The following PHF20L1 variants were observed in gnomAD, a reference collection of about 807,000 sequenced individuals.
PHF20L1 encodes PHD finger protein 20-like protein 1.
PHF20L1 carries 44 observed loss-of-function variants against 125.5 expected under a neutral mutation model. The observed-to-expected ratio is 0.35, with a 90% confidence interval of 0.28 to 0.45. The LOEUF is 0.45. Among genes scored for constraint, PHF20L1 ranks in the 20% least tolerant of loss-of-function variants. The pLI is 1.00. For missense variants in PHF20L1, 1,012 were observed against 1,217.2 expected, an observed-to-expected ratio of 0.83 and a Z score of 2.51; for synonymous variants, 380 against 403.1, an observed-to-expected ratio of 0.94 and a Z score of 0.69.
chr8:132,840,840 CCTTA>C (rs2131924952), intron 18 of PHF20L1, among the ~76,000 whole-genome samples: 1 of 152,184 alleles, frequency 6.6e-6, no homozygotes, highest in African/African-American at 2.4e-5. Context: ...GCTTGTCTCC[CCTTA>C]CTAAGTCATG....
intron 9 of PHF20L1, chr8:132,813,138 T>C: frequency 1.0e-6 from 1 of 972,270 alleles, no homozygotes; most frequent in African/African-American, 1.8e-5. Flanking sequence ...ATGGATGCTG[T>C]AGTGATGTCT....
At chr8:132,798,651 G>T in intron 4 of PHF20L1, 121 bp from the exon 5 acceptor site, 2 of 577,250 alleles carry the variant, frequency 3.5e-6, no homozygotes, top group East Asian at 6.0e-5. Flanking sequence ...CTTAACAGGA[G>T]CATTTGTAGT....
intron 14 of PHF20L1, chr8:132,826,943 CT>C (rs772755714): frequency 2.6e-5 from 4 of 151,954 alleles, no homozygotes; most frequent in Non-Finnish European, 4.4e-5. Context: ...TTGGTAAATT[CT>C]TCAGATTTTA....
intron 10 of PHF20L1, 137 bp downstream of exon 10, chr8:132,815,026 T>A (rs951660101): frequency 2.2e-5 from 13 of 604,264 alleles, no homozygotes; most frequent in African/African-American, 1.9e-4. Flanking sequence ...CTTGAAACTA[T>A]TTCAGGGGCA....
chr8:132,786,642 T>C (rs1353106215), intron 2 of PHF20L1, among the ~76,000 whole-genome samples: 1 of 152,106 alleles, frequency 6.6e-6, no homozygotes, highest in Non-Finnish European at 1.5e-5. Context: ...TGGACAGGAA[T>C]ACCTCAGTTC....
Position 132,837,708 on chromosome 8 carries a change from G to A in PHF20L1, c.2092-4G>A, listed in dbSNP as rs1222378120. The A allele has an allele frequency of 6.2e-7, 1 of 1,608,956 alleles. No homozygotes were observed. Among genetic ancestry groups the A allele is most frequent in the South Asian group, 1.1e-5 (1 of 90,992 alleles). Reference sequence around the variant, plus strand: ...TGACTGTAATACTCCTCTGTTTTCTGCAGTGTGAAGAGTGCTTGTGTTGGC... The same window carrying A: ...TGACTGTAATACTCCTCTGTTTTCTACAGTGTGAAGAGTGCTTGTGTTGGC... On this transcript the variant is annotated splice_region_variant and splice_polypyrimidine_tract_variant and intron_variant, in intron 16 of 20. Transcript: ENST00000395386.
chr8:132,844,489 T>G (rs1269189842), intron 20 of PHF20L1, among the ~76,000 whole-genome samples, 171 bp downstream of exon 20: 1 of 152,150 alleles, frequency 6.6e-6, no homozygotes, highest in African/African-American at 2.4e-5. Flanking sequence ...TCTTTTACGC[T>G]TAAAACAATG....
chr8:132,799,206 T>A, intron 6 of PHF20L1, 34 bp downstream of exon 6: 1 of 1,357,300 alleles, frequency 7.4e-7, no homozygotes, highest in Non-Finnish European at 1.0e-6. Context: ...TTTGTTTTGT[T>A]TTTCCTGGTA....
chr8:132,804,883 G>A, intron 8 of PHF20L1, 143 bp downstream of exon 8: 3 of 699,224 alleles, frequency 4.3e-6, no homozygotes, highest in Non-Finnish European at 7.1e-6. Flanking sequence ...GGTTCTTCAA[G>A]GTCAATGTCT....
rs1357240536 is a variant in PHF20L1, at chr8:132,823,997, C to A, written c.1580-7C>A. The A allele has an allele frequency of 6.4e-7, 1 of 1,565,332 alleles. No homozygotes were observed. Among genetic ancestry groups the A allele is most frequent in the Non-Finnish European group, 8.8e-7 (1 of 1,141,478 alleles). On this transcript the variant is annotated splice_region_variant and splice_polypyrimidine_tract_variant and intron_variant, in intron 12 of 20. Coordinates refer to ENST00000395386, the MANE Select transcript of PHF20L1 (RefSeq NM_016018.5). ...TTAAACTTACATATTTTTCCCCTAA[C>A]CCACAGGAATATCGAAAACAGAAAA...
chr8:132,844,870 T>A (rs938865675), intron 20 of PHF20L1, among the ~76,000 whole-genome samples: 1 of 152,102 alleles, frequency 6.6e-6, no homozygotes, highest in Admixed American at 6.6e-5. Flanking sequence ...ACTACCTGAT[T>A]CTCAGTCCAT....
At chr8:132,793,518 T>C (rs1283983647) in intron 2 of PHF20L1, among the ~76,000 whole-genome samples, 1 of 152,168 alleles carries the variant, frequency 6.6e-6, no homozygotes, top group Non-Finnish European at 1.5e-5. Context: ...TGGGATAAAC[T>C]ATATGGCTGA....
chr8:132,785,592 T>G (rs1360414166), intron 2 of PHF20L1, among the ~76,000 whole-genome samples: 1 of 152,174 alleles, frequency 6.6e-6, no homozygotes, highest in Non-Finnish European at 1.5e-5. Context: ...AACTGTATAT[T>G]TTGAAGAAGT....
At chr8:132,796,207 G>C (rs1832368943) in intron 4 of PHF20L1, among the ~76,000 whole-genome samples, 2 of 152,046 alleles carry the variant, frequency 1.3e-5, no homozygotes, top group Non-Finnish European at 2.9e-5. Flanking sequence ...GGAGAGGCAT[G>C]CCATGTCATT....
intron 17 of PHF20L1, chr8:132,838,156 T>G: frequency 5.1e-6 from 1 of 196,698 alleles, no homozygotes; most frequent in East Asian, 1.1e-4. Context: ...CATTTTTATT[T>G]TCCACATTGA....
At chr8:132,797,750 A>G (rs1242522136) in intron 4 of PHF20L1, among the ~76,000 whole-genome samples, 1 of 151,970 alleles carries the variant, frequency 6.6e-6, no homozygotes, top group Non-Finnish European at 1.5e-5. Flanking sequence ...GGTGTTATTC[A>G]GAGTACCCAA....
chr8:132,795,463 ATTAAT>A (rs1298039592), intron 4 of PHF20L1, among the ~76,000 whole-genome samples: 4 of 152,174 alleles, frequency 2.6e-5, no homozygotes, highest in African/African-American at 2.4e-5. Context: ...TGGACAGATC[ATTAAT>A]TTAAAACAGA....
chr8:132,846,794 C>A lies in PHF20L1; in HGVS notation c.*871C>A, dbSNP rs996453666. 1 of 151,158 alleles carries A rather than the reference C, an allele frequency of 6.6e-6. No homozygotes were observed. Among genetic ancestry groups the A allele is most frequent in the African/African-American group, 2.4e-5 (1 of 40,912 alleles). The allele number at this position is 151,158 out of a possible 1,614,324, so 9.4% of individuals were successfully genotyped here. On this transcript the variant is annotated 3_prime_UTR_variant, in exon 21 of 21. Transcript: ENST00000395386. ...AATGGCAGTATTCAGGCTCAACGTA[C>A]AGTTTGATCCTGAGTATGCTTGGTG...
intron 9 of PHF20L1, among the ~76,000 whole-genome samples, chr8:132,813,632 T>C (rs963774540): frequency 1.6e-4 from 25 of 152,008 alleles, no homozygotes; most frequent in Non-Finnish European, 2.7e-4. Context: ...TGATTCTTTA[T>C]AAAGGCCTAT....
Sources: gnomAD v4.1 joint callset for allele counts (sites outside exome capture counted in the v4.1 genomes callset) on GRCh38, gnomAD v4.1.1 for gene constraint, MANE v1.5 for transcripts, NCBI Gene and HGNC (gene_info 2026-07-23, HGNC 2026-07-21) for gene names.